The following PHF21A variants were observed in gnomAD, a reference collection of about 807,000 sequenced individuals.
PHF21A encodes BHC80a.
A neutral mutation model predicts 82.5 loss-of-function variants in PHF21A; 11 were observed. That is an observed-to-expected ratio of 0.13 (90% CI 0.08 to 0.22). The LOEUF (loss-of-function observed/expected upper bound fraction) is 0.22, where lower values mean the gene tolerates loss of function less well. Among genes scored for constraint, PHF21A ranks in the 10% least tolerant of loss-of-function variants. The pLI is 1.00. For synonymous variants in PHF21A, 297 were observed against 302.8 expected (o/e 0.98, Z 0.20); for missense variants, 579 against 837.8 (o/e 0.69, Z 3.81).
intron 6 of PHF21A, among the ~76,000 whole-genome samples, chr11:46,024,972 C>T (rs2095710197): frequency 6.6e-6 from 1 of 152,112 alleles, no homozygotes. Context: ...TAATTTCTCA[C>T]AGGAAGCTAC....
chr11:46,108,093 C>A (rs1003533551), intron 1 of PHF21A, among the ~76,000 whole-genome samples: 5 of 151,756 alleles, frequency 3.3e-5, no homozygotes, highest in African/African-American at 1.2e-4. Context: ...TTTATTTTTT[C>A]TTTTTTACAG....
At chr11:45,951,807 A>T (rs1206526695) in intron 11 of PHF21A, among the ~76,000 whole-genome samples, 6 of 124,370 alleles carry the variant, frequency 4.8e-5, no homozygotes, top group South Asian at 4.9e-4. Context: ...TGTGGAATAA[A>T]TTTTTTTTTT....
chr11:45,946,572 T>G (rs2091331785), intron 14 of PHF21A, among the ~76,000 whole-genome samples: 1 of 152,174 alleles, frequency 6.6e-6, no homozygotes, highest in African/African-American at 2.4e-5. Flanking sequence ...GGACGGGGTT[T>G]CATCGTGTTA....
At chr11:45,970,856 G>A in intron 8 of PHF21A, 1 of 465,692 alleles carries the variant, frequency 2.1e-6, no homozygotes. Flanking sequence ...CTGTGAAGGA[G>A]ACCTTCCCCC....
chr11:46,118,417 TAA>T (rs10718245), intron 1 of PHF21A, among the ~76,000 whole-genome samples: 3,671 of 131,444 alleles, frequency 0.028, 51 homozygotes, highest in Middle Eastern at 0.089. Flanking sequence ...AGTCTGATGT[TAA>T]AAAAAAAAAA....
rs947136450 is a variant in PHF21A, at chr11:46,063,092, A to G, written c.153+13662T>C. On this transcript the variant is annotated intron_variant, in intron 6 of 18. Coordinates refer to ENST00000676320, the MANE Select transcript of PHF21A (RefSeq NM_001352027.3). ...ATTAATTATGACTCAATAAACCTATAAGAGAGAAGTGGGGAGAGGAATAGA... is the reference window on the plus strand; with the variant it reads ...ATTAATTATGACTCAATAAACCTATGAGAGAGAAGTGGGGAGAGGAATAGA... Among the ~76,000 whole-genome samples, 10 of 152,300 alleles carry G rather than the reference A, an allele frequency of 6.6e-5. No individual in the cohort carries two copies. In the East Asian group the frequency reaches 1.5e-3, roughly 23 times the overall value.
At chr11:46,091,229 G>A (rs1048550114) in intron 2 of PHF21A, among the ~76,000 whole-genome samples, 1 of 152,088 alleles carries the variant, frequency 6.6e-6, no homozygotes, top group East Asian at 1.9e-4. Flanking sequence ...ATTTGAGAGA[G>A]GATTTAAAAA....
chr11:46,043,484 C>T (rs1053477028), intron 6 of PHF21A, among the ~76,000 whole-genome samples: 2 of 152,074 alleles, frequency 1.3e-5, no homozygotes, highest in Non-Finnish European at 2.9e-5. Context: ...GCCCATATCA[C>T]GGTCTATTAG....
In PHF21A at chr11:45,930,321, G is replaced by C. The variant is rs967202496; in HGVS notation, c.*3647C>G. On this transcript the variant is annotated 3_prime_UTR_variant, in exon 19 of 19. Transcript: ENST00000676320. The stretch of plus-strand genomic sequence containing the variant: ...CCACCTCCATGCACGCTGCCTGTTG[G>C]GCCTGAGCCAAGCAGCAGCAGGGAC... The C allele has an allele frequency of 4.6e-5, 7 of 152,246 alleles. No homozygotes were observed. The highest frequency in any genetic ancestry group is 8.8e-5 in the Non-Finnish European group (6 of 68,086). 9.4% of individuals were successfully genotyped at this position (152,246 alleles called of 1,614,324 possible).
intron 6 of PHF21A, among the ~76,000 whole-genome samples, chr11:46,056,778 A>T (rs2096463937): frequency 6.6e-6 from 1 of 152,146 alleles, no homozygotes; most frequent in African/African-American, 2.4e-5. Flanking sequence ...AAACTTTAAG[A>T]TTAGCTATAG....
chr11:45,994,540 C>T (rs1331159124), intron 6 of PHF21A, among the ~76,000 whole-genome samples: 5 of 152,134 alleles, frequency 3.3e-5, no homozygotes, highest in Admixed American at 2.0e-4. Flanking sequence ...GTGTAAGTGA[C>T]GCAGCCATCA....
At chr11:46,114,435 T>C (rs919071931) in intron 1 of PHF21A, among the ~76,000 whole-genome samples, 8 of 152,190 alleles carry the variant, frequency 5.3e-5, no homozygotes, top group Non-Finnish European at 1.5e-5. Flanking sequence ...GTCCAAGAAA[T>C]TCCTAACAAG....
intron 6 of PHF21A, among the ~76,000 whole-genome samples, chr11:46,046,837 C>G (rs757460674): frequency 2.0e-5 from 3 of 152,148 alleles, no homozygotes; most frequent in Non-Finnish European, 4.4e-5. Context: ...AAACACTGAT[C>G]AAGGATTTCT....
intron 1 of PHF21A, among the ~76,000 whole-genome samples, chr11:46,115,741 G>A (rs1047428467): frequency 6.6e-6 from 1 of 152,062 alleles, no homozygotes; most frequent in African/African-American, 2.4e-5. Flanking sequence ...TCCATTAAAG[G>A]TCAGAGACCT....
intron 6 of PHF21A, among the ~76,000 whole-genome samples, chr11:45,997,612 A>G (rs1456580472): frequency 6.6e-6 from 1 of 152,214 alleles, no homozygotes; most frequent in Non-Finnish European, 1.5e-5. Context: ...TTCTTTCACT[A>G]AATGCTTGTT....
intron 9 of PHF21A, among the ~76,000 whole-genome samples, chr11:45,967,390 T>G (rs868183894): frequency 1.4e-4 from 21 of 151,602 alleles, no homozygotes; most frequent in South Asian, 1.0e-3. Flanking sequence ...AAAAATCCCT[T>G]ATTGCTAAAT....
chr11:45,996,195 CG>C (rs1165512113), intron 6 of PHF21A, among the ~76,000 whole-genome samples: 5 of 152,104 alleles, frequency 3.3e-5, no homozygotes, highest in African/African-American at 1.2e-4. Flanking sequence ...CCTCCTGGCT[CG>C]GCCTCCCAAA....
chr11:45,962,785 T>C (rs1232642881), intron 10 of PHF21A, among the ~76,000 whole-genome samples: 1 of 151,296 alleles, frequency 6.6e-6, no homozygotes, highest in Non-Finnish European at 1.5e-5. Flanking sequence ...CCCAGCTACT[T>C]GGGAGGTTGA....
rs546231075 is a variant in PHF21A at position 46,061,943 on chromosome 11, A to T, written c.153+14811T>A. ...TTCTATCCCCGGACTTGATCAAGAG[A>T]TGGGTTGGGTATAGAATTCTATACT... On this transcript the variant is annotated intron_variant, in intron 6 of 18. Coordinates refer to ENST00000676320, the MANE Select transcript of PHF21A (RefSeq NM_001352027.3). Among the ~76,000 whole-genome samples, 173 of 152,184 alleles carry T rather than the reference A, an allele frequency of 1.1e-3. 1 individual carries two copies. The highest frequency in any genetic ancestry group is 2.3e-3 in the Non-Finnish European group (156 of 68,020).
Sources: gnomAD v4.1 joint callset for allele counts (sites outside exome capture counted in the v4.1 genomes callset) on GRCh38, gnomAD v4.1.1 for gene constraint, MANE v1.5 for transcripts, NCBI Gene and HGNC (gene_info 2026-07-23, HGNC 2026-07-21) for gene names.